ATP8B4: variants seen among roughly 807,000 people sequenced by gnomAD.
ATP8B4 encodes the protein probable phospholipid-transporting ATPase IM.
In ATP8B4, 133 loss-of-function variants were observed where a neutral mutation model predicts 145.6. That is an observed-to-expected ratio of 0.91 (90% CI 0.79 to 1.05). The LOEUF is 1.05. ATP8B4 is among the 50% of genes least tolerant of loss of function. The pLI is 0.00. For missense variants in ATP8B4, 1,458 were observed against 1,425.2 expected (o/e 1.02, Z -0.37); for synonymous variants, 507 against 492.9 (o/e 1.03, Z -0.38).
At chr15:50,035,217 T>C (rs775661309) in intron 6 of ATP8B4, among the ~76,000 whole-genome samples, 1 of 152,224 alleles carries the variant, frequency 6.6e-6, no homozygotes, top group Non-Finnish European at 1.5e-5. Context: ...ATAATTATAT[T>C]GTGGCTGAGG....
intron 6 of ATP8B4, among the ~76,000 whole-genome samples, chr15:50,035,862 C>A (rs1258500838): frequency 6.6e-6 from 1 of 152,118 alleles, no homozygotes; most frequent in Non-Finnish European, 1.5e-5. Context: ...GGCTCCTGCC[C>A]TAGTTTGAAG....
intron 14 of ATP8B4, among the ~76,000 whole-genome samples, chr15:49,958,241 C>T (rs1257179751): frequency 1.3e-5 from 2 of 151,314 alleles, no homozygotes; most frequent in East Asian, 3.8e-4. Context: ...TAATAAACTA[C>T]ATGCCAAAAT....
chr15:49,928,923 A>G (rs74012845), intron 16 of ATP8B4, among the ~76,000 whole-genome samples: 2,805 of 152,180 alleles, frequency 0.018, 87 homozygotes, highest in African/African-American at 0.064. Flanking sequence ...AGGATCTATT[A>G]GTCTAGAGAA....
In ATP8B4 at chr15:50,044,447, T is replaced by C. The variant is rs977372218; in HGVS notation, c.300+147A>G. On this transcript the variant is annotated intron_variant, in intron 5 of 27. Transcript: ENST00000284509. ...AGGCTCTGGTTTTACAGCACCTGTATTAATCATCAAACAAATAGTAAAATA... is the reference window on the plus strand; with the variant it reads ...AGGCTCTGGTTTTACAGCACCTGTACTAATCATCAAACAAATAGTAAAATA... 15 of 522,106 alleles carry C rather than the reference T, an allele frequency of 2.9e-5. No homozygotes were observed. The South Asian group carries it at 4.7e-4, about 16-fold the overall frequency. 32.3% of individuals were successfully genotyped at this position (522,106 alleles called of 1,614,324 possible).
intron 3 of ATP8B4, among the ~76,000 whole-genome samples, chr15:50,049,402 T>C (rs1409818022): frequency 2.0e-5 from 3 of 152,182 alleles, no homozygotes; most frequent in Non-Finnish European, 4.4e-5. Flanking sequence ...CTTGCAGTCT[T>C]TGGTTTTATG....
chr15:50,102,584 A>C (rs1221030020), intron 2 of ATP8B4, among the ~76,000 whole-genome samples: 2 of 152,124 alleles, frequency 1.3e-5, no homozygotes, highest in Non-Finnish European at 2.9e-5. Context: ...ACAAACAGTG[A>C]GATTGAAATG....
In ATP8B4 at chr15:49,917,046, C is replaced by G; in HGVS notation, c.2036-7G>C. The G allele has an allele frequency of 1.2e-6, 2 of 1,612,390 alleles. No individual in the cohort carries two copies. Among genetic ancestry groups the G allele is most frequent in the Non-Finnish European group, 1.7e-6 (2 of 1,178,522 alleles). ...CCGATGTTGATGGCAGTTTCTAACACAAAATAAAGCCCAATTCAGTTAAAA... is the reference window on the plus strand; with the variant it reads ...CCGATGTTGATGGCAGTTTCTAACAGAAAATAAAGCCCAATTCAGTTAAAA... On this transcript the variant is annotated splice_region_variant and splice_polypyrimidine_tract_variant and intron_variant, in intron 19 of 27. Transcript: ENST00000284509.
At chr15:50,022,883 T>G (rs546799040) in intron 6 of ATP8B4, among the ~76,000 whole-genome samples, 22 of 152,382 alleles carry the variant, frequency 1.4e-4, no homozygotes, top group African/African-American at 5.0e-4. Flanking sequence ...GACCTTCTAA[T>G]GTAATCCCTT....
At chr15:49,911,363 G>A (rs1423018035) in intron 20 of ATP8B4, among the ~76,000 whole-genome samples, 1 of 151,922 alleles carries the variant, frequency 6.6e-6, no homozygotes, top group East Asian at 1.9e-4. Flanking sequence ...AAGCAAACAG[G>A]AGTAGCTATA....
At chr15:50,144,069 G>T (rs2044245705) in intron 1 of ATP8B4, among the ~76,000 whole-genome samples, 1 of 152,120 alleles carries the variant, frequency 6.6e-6, no homozygotes, top group African/African-American at 2.4e-5. Flanking sequence ...GCCAATTCAG[G>T]TCCCTTTGTT....
intron 12 of ATP8B4, among the ~76,000 whole-genome samples, chr15:49,978,231 T>C (rs2045842392): frequency 6.6e-6 from 1 of 152,216 alleles, no homozygotes. Context: ...AAAGGAATGC[T>C]ATAAAAGCTG....
chr15:50,066,089 T>A (rs1025611270), intron 3 of ATP8B4, among the ~76,000 whole-genome samples: 14 of 151,362 alleles, frequency 9.2e-5, no homozygotes, highest in African/African-American at 3.4e-4. Flanking sequence ...ATAACACTAT[T>A]TAAACAAATC....
intron 4 of ATP8B4, among the ~76,000 whole-genome samples, chr15:50,044,985 T>C (rs1388250252): frequency 6.6e-6 from 1 of 152,216 alleles, no homozygotes; most frequent in East Asian, 1.9e-4. Flanking sequence ...ATTTCACCCA[T>C]CTTTTTCTGC....
At position 49,979,653 on chromosome 15, in the gene ATP8B4, A is replaced by G; in HGVS notation, c.998T>C (p.Ile333Thr). 1 of 1,593,416 alleles carries G rather than the reference A, an allele frequency of 6.3e-7. No individual in the cohort carries two copies. The highest frequency in any genetic ancestry group is 8.6e-7 in the Non-Finnish European group (1 of 1,166,480). The change falls in exon 12 of 28, where the codon ATT (isoleucine) becomes ACT (threonine). Residue 333 changes from isoleucine to threonine, a missense_variant. Coordinates refer to ENST00000284509, the MANE Select transcript of ATP8B4 (RefSeq NM_024837.4). ...GGAAATGGGTACAACTGTATTGAGA[A>G]TAATAATATATGACCAGAATGTTAA... The part of the protein sequence containing the change: ...GFLTFWSYII[I>T]LNTVVPISLY...
rs773153376 is a variant in ATP8B4 at position 49,974,206 on chromosome 15, C to T, written c.1035-1416G>A. ...CAAGCAATTCTCCTGCCTCAGCCTC[C>T]CGAGTAGCTGGGATTACAGGCATGC... On this transcript the variant is annotated intron_variant, in intron 12 of 27. Coordinates refer to ENST00000284509, the MANE Select transcript of ATP8B4 (RefSeq NM_024837.4). 3.3e-5 allele frequency among the ~76,000 whole-genome samples: 5 copies of T among 151,668 alleles called. 1 individual carries two copies. The highest frequency in any genetic ancestry group is 1.3e-4 in the Admixed American group (2 of 15,224).
intron 1 of ATP8B4, among the ~76,000 whole-genome samples, chr15:50,145,250 A>G (rs1425330003): frequency 3.3e-5 from 5 of 152,226 alleles, no homozygotes; most frequent in African/African-American, 1.2e-4. Flanking sequence ...CTGGGCATAA[A>G]AATACATTTT....
At chr15:50,104,143 G>C (rs7168389) in intron 2 of ATP8B4, among the ~76,000 whole-genome samples, 150,206 of 152,294 alleles carry the variant, frequency 0.99, 74,106 homozygotes, top group East Asian at 1. Flanking sequence ...AAGATAACAT[G>C]AGAAAAACCC....
chr15:49,935,774 G>A (rs185063551), intron 14 of ATP8B4, among the ~76,000 whole-genome samples: 61 of 152,018 alleles, frequency 4.0e-4, no homozygotes, highest in Non-Finnish European at 7.2e-4. Context: ...AAAATCAGAC[G>A]AAGATTTAAG....
chr15:49,959,832 T>C (rs2043905917), intron 14 of ATP8B4, among the ~76,000 whole-genome samples: 2 of 152,152 alleles, frequency 1.3e-5, no homozygotes, highest in African/African-American at 4.8e-5. Context: ...TACTGTGTTC[T>C]TGGATAAGAA....
Sources: allele counts gnomAD v4.1 joint callset (sites outside exome capture counted in the v4.1 genomes callset), GRCh38; gene constraint gnomAD v4.1.1; transcripts MANE v1.5; gene names NCBI Gene and HGNC (gene_info 2026-07-23, HGNC 2026-07-21).